The following AJAP1 variants were observed in gnomAD, a reference collection of about 807,000 sequenced individuals.
AJAP1 encodes adherens junction-associated protein 1.
In AJAP1, 5 loss-of-function variants were observed where a neutral mutation model predicts 35.0. That is an observed-to-expected ratio of 0.14 (90% CI 0.07 to 0.30). The LOEUF (loss-of-function observed/expected upper bound fraction) is 0.30. Among genes scored for constraint, AJAP1 ranks in the 10% least tolerant of loss-of-function variants. The pLI is 1.00. For missense variants in AJAP1, 586 were observed against 571.0 expected, an observed-to-expected ratio of 1.03 and a Z score of -0.27; for synonymous variants, 284 against 249.3, an observed-to-expected ratio of 1.14 and a Z score of -1.31.
intron 2 of AJAP1, among the ~76,000 whole-genome samples, chr1:4,764,719 C>T (rs1014276893): frequency 3.0e-4 from 45 of 152,222 alleles, no homozygotes; most frequent in South Asian, 2.1e-4. Context: ...AGCTGTGATA[C>T]GCACAGCAAT....
Position 4,782,833 on chromosome 1 carries a change from G to A in AJAP1, c.*348G>A, listed in dbSNP as rs564278295. 2.7e-4 allele frequency: 109 copies of A among 398,548 alleles called. No individual in the cohort carries two copies. Among genetic ancestry groups the A allele is most frequent in the Non-Finnish European group, 4.6e-4 (103 of 226,082 alleles). The allele number at this position is 398,548 out of a possible 1,614,324, so 24.7% of individuals were successfully genotyped here. On this transcript the variant is annotated 3_prime_UTR_variant, in exon 6 of 6. Coordinates refer to ENST00000378191, the MANE Select transcript of AJAP1 (RefSeq NM_018836.4). This position sits in a 1 kb window ranked among gnomAD's most constrained non-coding sequence, Gnocchi z 5.3. ...TACCCAGCGAAAGGGACGGGAGGAA[G>A]CATCCGAAACCTAGGATTCGTCCTA...
chr1:4,659,985 G>A (rs1301268353), intron 1 of AJAP1, among the ~76,000 whole-genome samples: 1 of 152,200 alleles, frequency 6.6e-6, no homozygotes, highest in Non-Finnish European at 1.5e-5. Context: ...ATTAAAAGTA[G>A]GTATAAATAC....
chr1:4,660,600 G>A (rs1341956636), intron 1 of AJAP1, among the ~76,000 whole-genome samples: 5 of 152,074 alleles, frequency 3.3e-5, no homozygotes, highest in African/African-American at 9.7e-5. Flanking sequence ...AGAGATTAGT[G>A]CCTAACTGAT....
intron 5 of AJAP1, among the ~76,000 whole-genome samples, chr1:4,779,557 G>T (rs964231829): frequency 6.6e-6 from 1 of 152,086 alleles, no homozygotes; most frequent in African/African-American, 2.4e-5. Flanking sequence ...CCTGTTTAAG[G>T]TCAGGATTAA....
rs552042901 is a variant in AJAP1 at position 4,680,508 on chromosome 1, G to T, written c.29+25054G>T. Among the ~76,000 whole-genome samples the T allele has an allele frequency of 1.4e-4, 22 of 152,320 alleles. 1 individual carries two copies. The South Asian group carries it at 4.6e-3, about 32-fold the overall frequency. Reference sequence around the variant, plus strand: ...GAGACAGAGGCTGGGTAGGGGTTGGGTTATGGGTCAGCCGGCTTTCTTTCT... The same window carrying T: ...GAGACAGAGGCTGGGTAGGGGTTGGTTTATGGGTCAGCCGGCTTTCTTTCT... On this transcript the variant is annotated intron_variant, in intron 1 of 5. Coordinates refer to ENST00000378191, the MANE Select transcript of AJAP1 (RefSeq NM_018836.4).
At position 4,787,692 on chromosome 1, in the gene AJAP1, G is replaced by A. The variant is rs1642181833; in HGVS notation, c.*5207G>A. On this transcript the variant is annotated 3_prime_UTR_variant, in exon 6 of 6. Coordinates refer to ENST00000378191, the MANE Select transcript of AJAP1 (RefSeq NM_018836.4). ...GGCTCTGCCCAGCCCCTCCCATGTT[G>A]GTCCCATCTGTCAGGTTGCCAGGCC... is the stretch of plus-strand genomic sequence containing the variant. The A allele has an allele frequency of 4.4e-6, 2 of 455,956 alleles. No homozygotes were observed. The highest frequency in any genetic ancestry group is 8.8e-6 in the Non-Finnish European group (2 of 226,914). 28.2% of individuals were successfully genotyped at this position (455,956 alleles called of 1,614,324 possible). A position where few individuals can be genotyped will look rare whatever the true frequency, so the allele number is the denominator to read the frequency against.
intron 2 of AJAP1, among the ~76,000 whole-genome samples, chr1:4,767,082 G>A (rs902831690): frequency 6.6e-6 from 1 of 152,202 alleles, no homozygotes; most frequent in Non-Finnish European, 1.5e-5. Context: ...ACAAAAGGCA[G>A]GAGAAGGGCC....
intron 1 of AJAP1, among the ~76,000 whole-genome samples, chr1:4,706,351 C>A (rs1369492649): frequency 1.3e-5 from 2 of 152,232 alleles, no homozygotes; most frequent in East Asian, 1.9e-4. Flanking sequence ...CAGAGCCCAC[C>A]TGCCCCAACT....
At chr1:4,778,571 ATCTC>A (rs141390632) in intron 5 of AJAP1, among the ~76,000 whole-genome samples, 9,797 of 142,660 alleles carry the variant, frequency 0.069, 366 homozygotes, top group East Asian at 0.14. Context: ...GATTGGCGCC[ATCTC>A]TCTCTCTCTC....
intron 1 of AJAP1, among the ~76,000 whole-genome samples, chr1:4,684,512 C>G (rs563534393): frequency 6.6e-6 from 1 of 152,280 alleles, no homozygotes; most frequent in South Asian, 2.1e-4. Context: ...AAGGGAGTAC[C>G]TTGAGCACAT....
At chr1:4,710,957 C>CCGCTG (rs1640217223) in intron 1 of AJAP1, among the ~76,000 whole-genome samples, 1 of 152,200 alleles carries the variant, frequency 6.6e-6, no homozygotes, top group Non-Finnish European at 1.5e-5. Context: ...CCCTGCAGCC[C>CCGCTG]CGCTGCGTGG....
chr1:4,748,548 A>G (rs1641246738), intron 2 of AJAP1, among the ~76,000 whole-genome samples: 1 of 151,916 alleles, frequency 6.6e-6, no homozygotes, highest in Admixed American at 6.6e-5. Context: ...AGGAGTTTGA[A>G]ACCAGCCTGG....
Position 4,712,183 on chromosome 1 carries a change from C to T in AJAP1, c.313C>T (p.Arg105Trp). 6.4e-7 allele frequency: 1 copy of T among 1,563,408 alleles called. No individual in the cohort carries two copies. Among genetic ancestry groups the T allele is most frequent in the Non-Finnish European group, 8.6e-7 (1 of 1,161,244 alleles). ...MPRARRAHRP[R>W]DQAAALVPKA... is the part of the protein sequence containing the mutation. ...TCGAGCCAGACGGGCCCACAGGCCC[C>T]GGGACCAGGCGGCCGCCCTCGTGCC... is the stretch of plus-strand genomic sequence containing the variant. The change falls in exon 2 of 6, where the codon CGG becomes TGG. Residue 105 changes from arginine to tryptophan, a missense_variant. Coordinates refer to ENST00000378191, the MANE Select transcript of AJAP1 (RefSeq NM_018836.4).
chr1:4,776,472 C>A lies in AJAP1; in HGVS notation c.*59+1914C>A, dbSNP rs577891860. 9.8e-5 allele frequency among the ~76,000 whole-genome samples: 15 copies of A among 152,308 alleles called. No homozygotes were observed. The South Asian group carries it at 3.1e-3, about 32-fold the overall frequency. On this transcript the variant is annotated intron_variant, in intron 5 of 5. Coordinates refer to ENST00000378191, the MANE Select transcript of AJAP1 (RefSeq NM_018836.4). ...ATGGCTGCCTGGCTCCGGGACATCC[C>A]CTGCCTACTCCACAGGCCTGAGCCC...
chr1:4,736,034 C>T (rs931524014), intron 2 of AJAP1, among the ~76,000 whole-genome samples: 1 of 152,216 alleles, frequency 6.6e-6, no homozygotes, highest in African/African-American at 2.4e-5. Flanking sequence ...CTTACCTGCG[C>T]CTTACTTTCC....
chr1:4,708,831 C>G (rs1049784701), intron 1 of AJAP1, among the ~76,000 whole-genome samples: 2 of 152,238 alleles, frequency 1.3e-5, no homozygotes, highest in Non-Finnish European at 2.9e-5. Flanking sequence ...CCCCACATTT[C>G]TTGGCTGCTG....
Position 4,712,049 on chromosome 1 carries a change from CGCCCCGGCT to C in AJAP1, c.181_189del (p.Pro61_Leu63del). ...CTCCTGCCGCGGTCGCCGCCCCGGC[CGCCCCGGCT>C]GTGGAGTTTTAGGAGTGGACAGCCA... On this transcript the variant is annotated inframe_deletion, in exon 2 of 6. Transcript: ENST00000378191. 1.3e-6 allele frequency: 2 copies of C among 1,588,116 alleles called. No homozygotes were observed. The highest frequency in any genetic ancestry group is 1.7e-6 in the Non-Finnish European group (2 of 1,171,042).
chr1:4,786,415 G>A lies in AJAP1; in HGVS notation c.*3930G>A, dbSNP rs900496977. The A allele has an allele frequency of 3.9e-5, 6 of 152,090 alleles. No individual in the cohort carries two copies. The highest frequency in any genetic ancestry group is 1.2e-4 in the African/African-American group (5 of 41,408). The allele number at this position is 152,090 out of a possible 1,614,324, so 9.4% of individuals were successfully genotyped here. Reference sequence around the variant, plus strand: ...GCAAACCCCACCCACTCTTTGAATCGGGACACCAGGAAACCCGTTACTACT... The same window carrying A: ...GCAAACCCCACCCACTCTTTGAATCAGGACACCAGGAAACCCGTTACTACT... On this transcript the variant is annotated 3_prime_UTR_variant, in exon 6 of 6. Coordinates refer to ENST00000378191, the MANE Select transcript of AJAP1 (RefSeq NM_018836.4).
rs979900377 is a variant in AJAP1, at chr1:4,783,738, T to C, written c.*1253T>C. 3.3e-5 allele frequency: 5 copies of C among 151,916 alleles called. No individual in the cohort carries two copies. Among genetic ancestry groups the C allele is most frequent in the Non-Finnish European group, 5.9e-5 (4 of 67,998 alleles). The allele number at this position is 151,916 out of a possible 1,614,324, so 9.4% of individuals were successfully genotyped here. ...CTTGGACGTGTGTGTCATACAAGCA[T>C]AGACTGGATTAAAGAAGTTTTCCAG... On this transcript the variant is annotated 3_prime_UTR_variant, in exon 6 of 6. Transcript: ENST00000378191.
Sources: allele counts gnomAD v4.1 joint callset (sites outside exome capture counted in the v4.1 genomes callset), GRCh38; gene constraint gnomAD v4.1.1; non-coding constraint Gnocchi (gnomAD v3.1); transcripts MANE v1.5; gene names NCBI Gene and HGNC (gene_info 2026-07-23, HGNC 2026-07-21).